The following UBE2G1 variants were observed in gnomAD, a reference collection of about 807,000 sequenced individuals.
UBE2G1 encodes ubiquitin-conjugating enzyme E2 G1.
UBE2G1 carries 5 observed loss-of-function variants against 22.7 expected under a neutral mutation model. The observed-to-expected ratio is 0.22, with a 90% confidence interval of 0.12 to 0.46. UBE2G1 has a LOEUF of 0.46. Ranked by LOEUF, UBE2G1 falls within the 20% of genes least tolerant of loss-of-function variation. The probability of loss-of-function intolerance (pLI) is 0.99; values close to 1 mark genes in which losing one functional copy is unlikely to be tolerated. For missense variants in UBE2G1, 88 were observed against 203.9 expected (o/e 0.43, Z 3.46); for synonymous variants, 74 against 67.5 (o/e 1.10, Z -0.47).
At chr17:4,310,188 G>A (rs964477005) in intron 1 of UBE2G1, among the ~76,000 whole-genome samples, 1 of 152,124 alleles carries the variant, frequency 6.6e-6, no homozygotes, top group Non-Finnish European at 1.5e-5. Flanking sequence ...CCTCCATGAA[G>A]TCTTCCCTAA....
chr17:4,306,333 C>T (rs1426872281), intron 2 of UBE2G1, among the ~76,000 whole-genome samples: 1 of 151,422 alleles, frequency 6.6e-6, no homozygotes, highest in Non-Finnish European at 1.5e-5. Flanking sequence ...GGATTACAGG[C>T]ATGCCACCAT....
intron 1 of UBE2G1, among the ~76,000 whole-genome samples, chr17:4,343,925 G>A (rs1969739890): frequency 6.6e-6 from 1 of 152,018 alleles, no homozygotes; most frequent in Non-Finnish European, 1.5e-5. Context: ...CATTTATACT[G>A]GTAGATTTCT....
intron 1 of UBE2G1, among the ~76,000 whole-genome samples, chr17:4,311,727 C>T (rs2143741144): frequency 6.6e-6 from 1 of 152,320 alleles, no homozygotes; most frequent in African/African-American, 2.4e-5. Flanking sequence ...GGCTGCACAA[C>T]ATCGTGAATA....
At chr17:4,341,802 T>C (rs1969716210) in intron 1 of UBE2G1, among the ~76,000 whole-genome samples, 1 of 152,182 alleles carries the variant, frequency 6.6e-6, no homozygotes, top group Non-Finnish European at 1.5e-5. Context: ...TCAGTCCTTA[T>C]CTTACCCAAA....
intron 2 of UBE2G1, among the ~76,000 whole-genome samples, chr17:4,305,603 G>A (rs1233485547): frequency 5.9e-5 from 9 of 152,148 alleles, no homozygotes; most frequent in Admixed American, 2.0e-4. Context: ...GTGCAGTAGC[G>A]TAATTTTGGC....
chr17:4,315,180 C>A (rs2143748404), intron 1 of UBE2G1, among the ~76,000 whole-genome samples: 1 of 152,236 alleles, frequency 6.6e-6, no homozygotes, highest in East Asian at 1.9e-4. Flanking sequence ...GAGGCTGATC[C>A]ATGACCTAAT....
intron 5 of UBE2G1, among the ~76,000 whole-genome samples, chr17:4,280,487 T>C (rs9912854): frequency 0.95 from 143,720 of 150,772 alleles, 68,912 homozygotes; most frequent in East Asian, 1. Context: ...GCTGGGACTA[T>C]AGGAGTGCAC....
chr17:4,335,790 T>C (rs1221732150), intron 1 of UBE2G1, among the ~76,000 whole-genome samples: 2 of 152,132 alleles, frequency 1.3e-5, no homozygotes, highest in Non-Finnish European at 2.9e-5. Flanking sequence ...AAATACAGTA[T>C]ATAACTTACA....
intron 2 of UBE2G1, chr17:4,302,036 A>C: frequency 2.0e-6 from 1 of 493,654 alleles, no homozygotes; most frequent in Non-Finnish European, 4.0e-6. Context: ...AAGAACAACA[A>C]CAACAAAAAA....
intron 4 of UBE2G1, among the ~76,000 whole-genome samples, chr17:4,286,917 C>A (rs193131165): frequency 2.1e-3 from 313 of 152,018 alleles, no homozygotes; most frequent in African/African-American, 7.1e-3. Flanking sequence ...TGGTTCCGCA[C>A]GTCTGTAATA....
At chr17:4,277,020 A>G (rs963223475) in intron 5 of UBE2G1, among the ~76,000 whole-genome samples, 6 of 152,260 alleles carry the variant, frequency 3.9e-5, no homozygotes, top group Non-Finnish European at 8.8e-5. Context: ...TGTGCTTTAC[A>G]GCAGACAAGG....
intron 1 of UBE2G1, among the ~76,000 whole-genome samples, chr17:4,325,196 A>G (rs984097072): frequency 3.9e-5 from 6 of 152,228 alleles, no homozygotes; most frequent in Non-Finnish European, 5.9e-5. Context: ...GTATGATACT[A>G]TAATGGTAAG....
chr17:4,366,220 G>A (rs1970033421), intron 1 of UBE2G1, 51 bp downstream of exon 1: 5 of 1,499,266 alleles, frequency 3.3e-6, no homozygotes, highest in Non-Finnish European at 4.4e-6. Context: ...ACTGGGCTGC[G>A]GCTGTCCGCG....
rs1969744825 is a variant in UBE2G1, at chr17:4,344,291, A to G, written c.46+21980T>C. Among the ~76,000 whole-genome samples the G allele has an allele frequency of 2.0e-5, 3 of 152,298 alleles. No individual in the cohort carries two copies. The South Asian group carries it at 6.2e-4, about 32-fold the overall frequency. On this transcript the variant is annotated intron_variant, in intron 1 of 5. Transcript: ENST00000396981. ...CGCGGTGGCTCGCGCCTGTAATCCC[A>G]GCACTTTGGGAGGCCGAGGCAGGCG...
chr17:4,334,594 A>G (rs1469642204), intron 1 of UBE2G1, among the ~76,000 whole-genome samples: 2 of 152,152 alleles, frequency 1.3e-5, no homozygotes, highest in Non-Finnish European at 2.9e-5. Flanking sequence ...GCTGGAGTGC[A>G]GTGGCACAAT....
At chr17:4,349,479 A>G (rs1969818390) in intron 1 of UBE2G1, among the ~76,000 whole-genome samples, 1 of 142,972 alleles carries the variant, frequency 7.0e-6, no homozygotes, top group South Asian at 2.3e-4. Context: ...TGAACTCTTC[A>G]TTTATTTTGA....
At chr17:4,330,610 GCCT>G (rs2143776714) in intron 1 of UBE2G1, among the ~76,000 whole-genome samples, 1 of 151,690 alleles carries the variant, frequency 6.6e-6, no homozygotes, top group Admixed American at 6.6e-5. Flanking sequence ...GGTGGCACAT[GCCT>G]GTAATCCCAG....
intron 1 of UBE2G1, among the ~76,000 whole-genome samples, chr17:4,366,050 A>AGGCCCC (rs1970030937): frequency 6.6e-6 from 1 of 151,808 alleles, no homozygotes; most frequent in African/African-American, 2.4e-5. Context: ...CGCCAGGCCC[A>AGGCCCC]GTCCCTGGGC....
intron 1 of UBE2G1, among the ~76,000 whole-genome samples, chr17:4,336,009 G>C (rs1969641396): frequency 6.6e-6 from 1 of 152,082 alleles, no homozygotes; most frequent in Non-Finnish European, 1.5e-5. Context: ...AGCCGGGCAT[G>C]GTGGCAGGCG....
Sources: gnomAD v4.1 joint callset for allele counts (sites outside exome capture counted in the v4.1 genomes callset) on GRCh38, gnomAD v4.1.1 for gene constraint, MANE v1.5 for transcripts, NCBI Gene and HGNC (gene_info 2026-07-23, HGNC 2026-07-21) for gene names.